The following KCNK13 variants were observed in gnomAD, a reference collection of about 807,000 sequenced individuals.
The protein encoded by KCNK13 is potassium channel subfamily K member 13.
KCNK13 carries 12 observed loss-of-function variants against 23.4 expected under a neutral mutation model. That is an observed-to-expected ratio of 0.51 (90% CI 0.33 to 0.83). The LOEUF (loss-of-function observed/expected upper bound fraction) is 0.83. KCNK13 is among the 40% of genes least tolerant of loss of function. The probability of loss-of-function intolerance (pLI) is 0.02; values close to 1 mark genes in which losing one functional copy is unlikely to be tolerated. For synonymous variants in KCNK13, 231 were observed against 229.5 expected (o/e 1.01, Z -0.06); for missense variants, 463 against 556.3 (o/e 0.83, Z 1.69).
At chr14:90,063,514 G>A (rs939206739) in intron 1 of KCNK13, among the ~76,000 whole-genome samples, 1 of 151,980 alleles carries the variant, frequency 6.6e-6, no homozygotes, top group South Asian at 2.1e-4. Flanking sequence ...TCTGAGGGGG[G>A]CAAAAAGAGA....
intron 1 of KCNK13, among the ~76,000 whole-genome samples, chr14:90,064,309 A>G (rs1350369766): frequency 6.7e-6 from 1 of 148,424 alleles, no homozygotes; most frequent in Non-Finnish European, 1.5e-5. Flanking sequence ...AATCTTTCCC[A>G]CCACCATGAA....
chr14:90,145,266 G>A (rs552240125), intron 1 of KCNK13, among the ~76,000 whole-genome samples: 71 of 151,344 alleles, frequency 4.7e-4, no homozygotes, highest in South Asian at 1.1e-3. Flanking sequence ...GGTGGTGCGC[G>A]CCTGTAGTCC....
intron 1 of KCNK13, among the ~76,000 whole-genome samples, chr14:90,076,839 G>A (rs1183707954): frequency 1.3e-5 from 2 of 151,976 alleles, no homozygotes; most frequent in Non-Finnish European, 2.9e-5. Context: ...TTATTTCTTA[G>A]AGACAGAGTC....
At chr14:90,117,721 A>G (rs1889693279) in intron 1 of KCNK13, among the ~76,000 whole-genome samples, 1 of 152,236 alleles carries the variant, frequency 6.6e-6, no homozygotes, top group African/African-American at 2.4e-5. Context: ...TATACAATGA[A>G]GTGGTACTTA....
intron 1 of KCNK13, among the ~76,000 whole-genome samples, chr14:90,088,403 A>G (rs1454633929): frequency 6.6e-6 from 1 of 152,224 alleles, no homozygotes; most frequent in Non-Finnish European, 1.5e-5. Context: ...TATTCCCACA[A>G]TGGCTGGTTT....
chr14:90,153,435 T>C (rs1014068023), intron 1 of KCNK13, among the ~76,000 whole-genome samples: 17 of 152,208 alleles, frequency 1.1e-4, no homozygotes, highest in African/African-American at 3.4e-4. Flanking sequence ...AAATGATCCA[T>C]GTAAAAGTTT....
At chr14:90,178,584 C>T (rs907859979) in intron 1 of KCNK13, among the ~76,000 whole-genome samples, 52 of 152,086 alleles carry the variant, frequency 3.4e-4, no homozygotes, top group African/African-American at 1.2e-3. Context: ...GCCACCACAC[C>T]GGGCCTGATG....
chr14:90,185,309 T>A lies in KCNK13; in HGVS notation c.*306T>A. 4.2e-6 allele frequency: 1 copy of A among 239,128 alleles called. No homozygotes were observed. Among genetic ancestry groups the A allele is most frequent in the Non-Finnish European group, 8.1e-6 (1 of 124,040 alleles). 14.8% of individuals were successfully genotyped at this position (239,128 alleles called of 1,614,324 possible). On this transcript the variant is annotated 3_prime_UTR_variant, in exon 2 of 2. Transcript: ENST00000282146. ...TTTCATTAATCTTGTTTCAGAGCTT[T>A]AGCTGCCTGAGGAGATAGGTTTTCC...
chr14:90,113,572 C>T (rs946068216), intron 1 of KCNK13, among the ~76,000 whole-genome samples: 1 of 152,026 alleles, frequency 6.6e-6, no homozygotes, highest in Non-Finnish European at 1.5e-5. Context: ...TGGGTAGTAA[C>T]GTACTAATGG....
At chr14:90,154,291 G>A (rs1261796325) in intron 1 of KCNK13, among the ~76,000 whole-genome samples, 3 of 130,696 alleles carry the variant, frequency 2.3e-5, no homozygotes, top group African/African-American at 8.9e-5. Context: ...CCACAATGCT[G>A]TGCTCTCCTA....
intron 1 of KCNK13, among the ~76,000 whole-genome samples, chr14:90,176,513 A>G (rs1279947646): frequency 2.0e-5 from 3 of 152,160 alleles, no homozygotes; most frequent in African/African-American, 7.2e-5. Context: ...TTTACCAAAA[A>G]AAAAAAGTCT....
chr14:90,101,362 C>T (rs1340577475), intron 1 of KCNK13, among the ~76,000 whole-genome samples: 2 of 152,104 alleles, frequency 1.3e-5, no homozygotes, highest in African/African-American at 4.8e-5. Context: ...GAGTGTTGTC[C>T]TCGTATGGCA....
intron 1 of KCNK13, among the ~76,000 whole-genome samples, chr14:90,078,088 TTAACAGACTGTGACCCA>T (rs1354401460): frequency 6.6e-6 from 1 of 152,180 alleles, no homozygotes; most frequent in Admixed American, 6.5e-5. Context: ...CTTAGTTTCT[TTAACAGACTGTGACCCA>T]GTAACAGCAG....
At chr14:90,088,781 G>C (rs944599828) in intron 1 of KCNK13, among the ~76,000 whole-genome samples, 4 of 152,192 alleles carry the variant, frequency 2.6e-5, no homozygotes, top group African/African-American at 9.7e-5. Flanking sequence ...GGAGGAACCT[G>C]ATGGGAGGTT....
At chr14:90,175,592 G>T (rs1272320259) in intron 1 of KCNK13, among the ~76,000 whole-genome samples, 1 of 152,178 alleles carries the variant, frequency 6.6e-6, no homozygotes, top group African/African-American at 2.4e-5. Flanking sequence ...ATGGAGCAGG[G>T]AGCTGAAGAA....
intron 1 of KCNK13, among the ~76,000 whole-genome samples, chr14:90,075,124 T>C (rs1889119919): frequency 6.6e-6 from 1 of 152,226 alleles, no homozygotes; most frequent in Non-Finnish European, 1.5e-5. Flanking sequence ...ATTTTTCTTA[T>C]TTTTTAAGTC....
chr14:90,107,966 C>T (rs924489480), intron 1 of KCNK13: 204 of 728,244 alleles, frequency 2.8e-4, no homozygotes, highest in Non-Finnish European at 6.2e-5. Context: ...ACTGCTGACG[C>T]GGCTAAAGCA....
intron 1 of KCNK13, chr14:90,108,116 C>T (rs1889568864): frequency 7.2e-6 from 3 of 419,180 alleles, no homozygotes; most frequent in East Asian, 5.5e-5. Context: ...TCTTTTGCCT[C>T]AGTATTTAAA....
chr14:90,105,912 AAGG>A (rs1318641810), intron 1 of KCNK13, among the ~76,000 whole-genome samples: 19 of 152,186 alleles, frequency 1.2e-4, no homozygotes, highest in African/African-American at 4.6e-4. Flanking sequence ...AGGGGCATAG[AAGG>A]AGGTTTTCTG....
Sources: gnomAD v4.1 joint callset for allele counts (sites outside exome capture counted in the v4.1 genomes callset) on GRCh38, gnomAD v4.1.1 for gene constraint, MANE v1.5 for transcripts, NCBI Gene and HGNC (gene_info 2026-07-23, HGNC 2026-07-21) for gene names.